The following DNAJC6 variants were observed in gnomAD, a reference collection of about 807,000 sequenced individuals.
DNAJC6 encodes the protein DnaJ heat shock protein family (Hsp40) member C6.
DNAJC6 carries 34 observed loss-of-function variants against 110.0 expected under a neutral mutation model. The ratio of observed to expected loss-of-function variants is 0.31; its 90% CI spans 0.24 to 0.41. The LOEUF (loss-of-function observed/expected upper bound fraction) is 0.41, where lower values mean the gene tolerates loss of function less well. Among genes scored for constraint, DNAJC6 ranks in the 10% least tolerant of loss-of-function variants. The pLI, the probability that DNAJC6 is intolerant of heterozygous loss-of-function variation, is 1.00. For synonymous variants in DNAJC6, 406 were observed against 437.2 expected, an observed-to-expected ratio of 0.93 and a Z score of 0.89; for missense variants, 1,031 against 1,207.8, an observed-to-expected ratio of 0.85 and a Z score of 2.17.
intron 1 of DNAJC6, among the ~76,000 whole-genome samples, chr1:65,348,207 G>A (rs1054149181): frequency 1.3e-5 from 2 of 152,090 alleles, no homozygotes; most frequent in Non-Finnish European, 2.9e-5. Context: ...CCAGAAATAC[G>A]CATTTTTTAA....
intron 4 of DNAJC6, among the ~76,000 whole-genome samples, chr1:65,368,610 C>CCTT (rs1313965746): frequency 2.7e-5 from 4 of 146,626 alleles, no homozygotes; most frequent in Admixed American, 2.1e-4. Flanking sequence ...TTCTTCTCCT[C>CCTT]CTTCTCCTTC....
At chr1:65,291,596 C>T (rs1464342871) in intron 1 of DNAJC6, among the ~76,000 whole-genome samples, 1 of 152,046 alleles carries the variant, frequency 6.6e-6, no homozygotes, top group Non-Finnish European at 1.5e-5. Flanking sequence ...TCCCTGCATA[C>T]TTGAGTGGGA....
At chr1:65,372,059 T>G (rs969801638) in intron 4 of DNAJC6, among the ~76,000 whole-genome samples, 5 of 152,030 alleles carry the variant, frequency 3.3e-5, no homozygotes, top group African/African-American at 1.2e-4. Context: ...CTTGATTGAG[T>G]TAATGATTCT....
chr1:65,327,261 G>A (rs1355738159), intron 1 of DNAJC6, among the ~76,000 whole-genome samples: 2 of 152,146 alleles, frequency 1.3e-5, no homozygotes, highest in Non-Finnish European at 2.9e-5. Context: ...TCATTCATTC[G>A]TTTAGACAGG....
At chr1:65,319,461 C>T (rs950641390) in intron 1 of DNAJC6, among the ~76,000 whole-genome samples, 6 of 152,106 alleles carry the variant, frequency 3.9e-5, no homozygotes, top group Admixed American at 1.3e-4. Flanking sequence ...GCCTAAGGCC[C>T]GAGGCCAGTA....
In DNAJC6 at chr1:65,392,506, A is replaced by G. The variant is rs369045607; in HGVS notation, c.1544A>G (p.Asp515Gly). 2 of 1,614,034 alleles carry G rather than the reference A, an allele frequency of 1.2e-6. No individual in the cohort carries two copies. The highest frequency in any genetic ancestry group is 8.5e-7 in the Non-Finnish European group (1 of 1,179,956). Residue 515 changes from aspartate to glycine, a missense_variant, in exon 12 of 19, where the codon GAT becomes GGT. Asp to Gly is a moderately conservative substitution (Grantham distance 94). Coordinates refer to ENST00000371069, the MANE Select transcript of DNAJC6 (RefSeq NM_001256864.2). ...AATCAGGAAAGTGAGCAATCAGATG[A>G]TGAACTTCTGACACTTTCCAGTCCG... is the stretch of plus-strand genomic sequence containing the variant. ...LVNQESEQSD[D>G]ELLTLSSPHG... is the part of the protein sequence containing the mutation.
At chr1:65,377,552 A>G (rs183015002) in intron 4 of DNAJC6, among the ~76,000 whole-genome samples, 48 of 152,262 alleles carry the variant, frequency 3.2e-4, no homozygotes, top group Admixed American at 2.3e-3. Flanking sequence ...TGTTTAATAA[A>G]CCATACTTGT....
chr1:65,380,913 TTTG>T lies in DNAJC6; in HGVS notation c.666+1392_666+1394del, dbSNP rs1272531614. ...GAGTTTTTTTTTTTTTGTTTTTTGT[TTTG>T]TTTTGTTTTTTTTTTTTTTTTGGGA... On this transcript the variant is annotated intron_variant, in intron 5 of 18. Coordinates refer to ENST00000371069, the MANE Select transcript of DNAJC6 (RefSeq NM_001256864.2). 1.4e-3 allele frequency among the ~76,000 whole-genome samples: 139 copies of T among 100,282 alleles called. 5 individuals carry two copies. Among genetic ancestry groups the T allele is most frequent in the African/African-American group, 7.6e-3 (134 of 17,536 alleles). The allele number at this position is 100,282 out of a possible 152,430, so 65.8% of individuals were successfully genotyped here.
chr1:65,308,636 G>GC (rs1390978059), upstream of DNAJC6, among the ~76,000 whole-genome samples: 4 of 152,156 alleles, frequency 2.6e-5, no homozygotes, highest in Non-Finnish European at 5.9e-5. Flanking sequence ...ATGAGTTACT[G>GC]CTTTCTTTGG....
intron 1 of DNAJC6, among the ~76,000 whole-genome samples, chr1:65,286,108 T>A (rs1378917451): frequency 2.6e-5 from 4 of 152,234 alleles, no homozygotes; most frequent in Admixed American, 2.0e-4. Context: ...GGAAGGTCAA[T>A]GAACATGTGC....
chr1:65,359,477 C>T (rs1645578156), intron 1 of DNAJC6, among the ~76,000 whole-genome samples: 2 of 152,200 alleles, frequency 1.3e-5, no homozygotes, highest in African/African-American at 4.8e-5. Flanking sequence ...AAACAAGAAT[C>T]TACTTGGAGC....
At chr1:65,352,046 G>A (rs765408736) in intron 1 of DNAJC6, among the ~76,000 whole-genome samples, 14 of 152,156 alleles carry the variant, frequency 9.2e-5, no homozygotes, top group Non-Finnish European at 1.8e-4. Context: ...GATTACAGGT[G>A]TGGGCCACTG....
At chr1:65,298,588 C>T (rs950788393) in intron 1 of DNAJC6, among the ~76,000 whole-genome samples, 1 of 150,206 alleles carries the variant, frequency 6.7e-6, no homozygotes, top group African/African-American at 2.5e-5. Flanking sequence ...AAAAGACTGA[C>T]CATGACTTTT....
At chr1:65,348,569 G>A (rs1168263802) in intron 1 of DNAJC6, among the ~76,000 whole-genome samples, 2 of 152,014 alleles carry the variant, frequency 1.3e-5, no homozygotes, top group Non-Finnish European at 1.5e-5. Context: ...TTTGTATCAT[G>A]TTAATATAGG....
chr1:65,289,667 CA>C (rs1654134174), intron 1 of DNAJC6, among the ~76,000 whole-genome samples: 1 of 152,162 alleles, frequency 6.6e-6, no homozygotes, highest in South Asian at 2.1e-4. Context: ...CTTTCCCAGC[CA>C]CCAGAACCAT....
intron 1 of DNAJC6, among the ~76,000 whole-genome samples, chr1:65,284,121 C>T (rs1653937333): frequency 6.6e-6 from 1 of 152,172 alleles, no homozygotes; most frequent in South Asian, 2.1e-4. Context: ...AAAGTGCTCT[C>T]CACTGCTGCC....
chr1:65,401,589 A>G (rs1646030394), intron 14 of DNAJC6, among the ~76,000 whole-genome samples, 172 bp from the exon 15 acceptor site: 4 of 152,206 alleles, frequency 2.6e-5, no homozygotes, highest in African/African-American at 9.7e-5. Context: ...GTCCTTGTTC[A>G]AGGCCACCAT....
intron 1 of DNAJC6, among the ~76,000 whole-genome samples, chr1:65,334,580 G>C (rs1254406215): frequency 6.6e-6 from 1 of 152,178 alleles, no homozygotes; most frequent in East Asian, 1.9e-4. Flanking sequence ...TTCTATGAAC[G>C]GGAGTGATAA....
chr1:65,358,178 C>CAAAAAAA (rs11285114), intron 1 of DNAJC6, among the ~76,000 whole-genome samples: 53 of 80,006 alleles, frequency 6.6e-4, no homozygotes, highest in African/African-American at 8.7e-4. Flanking sequence ...GACTCAGTCT[C>CAAAAAAA]AAAAAAAAAA....
Sources: gnomAD v4.1 joint callset for allele counts (sites outside exome capture counted in the v4.1 genomes callset) on GRCh38, gnomAD v4.1.1 for gene constraint, MANE v1.5 for transcripts, NCBI Gene and HGNC (gene_info 2026-07-23, HGNC 2026-07-21) for gene names.